The following C11orf58 variants were observed in gnomAD, a reference collection of about 807,000 sequenced individuals.
C11orf58 encodes chromosome 11 open reading frame 58, also known as small acidic protein.
Under a neutral mutation model 22.7 loss-of-function variants are expected in C11orf58, and 5 were observed. That is an observed-to-expected ratio of 0.22 (90% CI 0.12 to 0.46). C11orf58 has a LOEUF of 0.46. Ranked by LOEUF, C11orf58 falls within the 20% of genes least tolerant of loss-of-function variation. The pLI, the probability that C11orf58 is intolerant of heterozygous loss-of-function variation, is 0.99. For missense variants in C11orf58, 151 were observed against 223.3 expected (o/e 0.68, Z 2.06); for synonymous variants, 71 against 70.7 (o/e 1.00, Z -0.02).
intron 4 of C11orf58, chr11:16,753,891 GT>G (rs1185825027): frequency 5.7e-6 from 3 of 524,184 alleles, no homozygotes; most frequent in Non-Finnish European, 1.0e-5. Flanking sequence ...TAGAGACGGA[GT>G]TTTGCTATGT....
intron 4 of C11orf58, among the ~76,000 whole-genome samples, chr11:16,754,527 G>T (rs1004183780): frequency 2.2e-3 from 33 of 15,214 alleles, no homozygotes; most frequent in Admixed American, 6.2e-3. Context: ...TTTTTTTTTA[G>T]TTTCTCTCTC....
At chr11:16,739,217 G>A (rs1425659781) in intron 1 of C11orf58, among the ~76,000 whole-genome samples, 2 of 152,114 alleles carry the variant, frequency 1.3e-5, no homozygotes, top group Non-Finnish European at 2.9e-5. Flanking sequence ...GGTTCTAAAT[G>A]TTCCCGTGAC....
intron 1 of C11orf58, among the ~76,000 whole-genome samples, chr11:16,741,037 AG>A (rs1848443597): frequency 6.6e-6 from 1 of 151,220 alleles, no homozygotes; most frequent in Non-Finnish European, 1.5e-5. Context: ...CGGAGCTTGC[AG>A]TGAGCCAAGA....
chr11:16,749,368 T>C (rs902476569), intron 3 of C11orf58: 3 of 152,372 alleles, frequency 2.0e-5, no homozygotes, highest in Middle Eastern at 3.4e-3. Flanking sequence ...CAAATTGATT[T>C]GTATTGCTAC....
chr11:16,754,481 C>T (rs1164379042), intron 4 of C11orf58, among the ~76,000 whole-genome samples: 1 of 149,446 alleles, frequency 6.7e-6, no homozygotes, highest in Non-Finnish European at 1.5e-5. Flanking sequence ...CAGGCATGCA[C>T]CACCATGCCT....
intron 3 of C11orf58, chr11:16,749,307 C>T (rs1848512913): frequency 1.3e-5 from 2 of 152,196 alleles, no homozygotes; most frequent in Admixed American, 1.3e-4. Context: ...ATATGTAGCA[C>T]ATTTTAGAAA....
At chr11:16,740,767 T>A in intron 1 of C11orf58, among the ~76,000 whole-genome samples, 1 of 143,058 alleles carries the variant, frequency 7.0e-6, no homozygotes, top group African/African-American at 2.6e-5. Context: ...ATGCATTCAT[T>A]AAAATACCTC....
chr11:16,753,877 T>G, intron 4 of C11orf58: 1 of 508,564 alleles, frequency 2.0e-6, no homozygotes, highest in Non-Finnish European at 3.5e-6. Context: ...TTTTGTATTT[T>G]TTGTAGAGAC....
chr11:16,750,740 ACAC>A (rs1204061392), intron 3 of C11orf58: 1 of 154,056 alleles, frequency 6.5e-6, no homozygotes, highest in Non-Finnish European at 1.5e-5. Flanking sequence ...CTTTCAACCA[ACAC>A]CACAGCTGCA....
chr11:16,754,022 C>G, intron 4 of C11orf58: 1 of 426,500 alleles, frequency 2.3e-6, no homozygotes. Context: ...GCGTGAACAA[C>G]AACATGCTCA....
chr11:16,748,424 A>G (rs1848504736), intron 3 of C11orf58: 1 of 218,964 alleles, frequency 4.6e-6, no homozygotes, highest in Non-Finnish European at 9.0e-6. Context: ...GCAAGACCTC[A>G]TCTCTTAAAT....
intron 4 of C11orf58, among the ~76,000 whole-genome samples, 153 bp downstream of exon 4, chr11:16,753,047 C>A (rs1338331200): frequency 2.0e-5 from 3 of 152,116 alleles, no homozygotes; most frequent in African/African-American, 7.2e-5. Flanking sequence ...CCCTACTGGT[C>A]TTGTAGATAA....
rs1403391021 is a variant in C11orf58 at position 16,738,820 on chromosome 11, T to A, written c.42T>A (p.Arg14=). 1 of 1,614,116 alleles carries A rather than the reference T, an allele frequency of 6.2e-7. No individual in the cohort carries two copies. Among genetic ancestry groups the A allele is most frequent in the Admixed American group, 1.7e-5 (1 of 60,022 alleles). Residue 14 remains arginine (R), a synonymous_variant, in exon 1 of 5, where the codon CGT becomes CGA. Transcript: ENST00000228136. ...AGTCTCACCCGCATGGGGTGAAGCG[T>A]TCAGCCTCCCCAGACGACGATGTAA... ...ARESHPHGVK[R]SASPDDDLGS...
In C11orf58 at chr11:16,748,112, C is replaced by G. The variant is rs778301983; in HGVS notation, c.163C>G (p.Arg55Gly). 1 of 1,612,274 alleles carries G rather than the reference C, an allele frequency of 6.2e-7. No individual in the cohort carries two copies. Among genetic ancestry groups the G allele is most frequent in the Non-Finnish European group, 8.5e-7 (1 of 1,178,714 alleles). Reference sequence around the variant, plus strand: ...CTTCTTATAGAAAGAACATACTGGTCGTCTTGTTATAGGAGATCACAAATC... The same window carrying G: ...CTTCTTATAGAAAGAACATACTGGTGGTCTTGTTATAGGAGATCACAAATC... ...MGAGKKEHTG[R>G]LVIGDHKSTS... Residue 55 changes from arginine to glycine, a missense_variant, in exon 3 of 5, where the codon CGT becomes GGT. By Grantham distance (125) the Arg-to-Gly change is moderately radical. This residue lies in a region of C11orf58 where 112 missense variants were observed against 162.6 expected (regional missense o/e 0.69). Coordinates refer to ENST00000228136, the MANE Select transcript of C11orf58 (RefSeq NM_014267.6).
At chr11:16,753,899 A>G (rs1396752126) in intron 4 of C11orf58, 6 of 534,720 alleles carry the variant, frequency 1.1e-5, no homozygotes, top group Non-Finnish European at 2.0e-5. Flanking sequence ...GAGTTTTGCT[A>G]TGTTGCCCAG....
Position 16,757,921 on chromosome 11 carries a change from G to A in C11orf58, c.*2817G>A, listed in dbSNP as rs1196085126. Among the ~76,000 whole-genome samples the A allele has an allele frequency of 2.0e-5, 3 of 152,308 alleles. No homozygotes were observed. In the East Asian group the frequency reaches 5.8e-4, roughly 29 times the overall value. On this transcript the variant is annotated 3_prime_UTR_variant, in exon 5 of 5. Transcript: ENST00000228136. ...GGAGTGCCTGAACCACAGTTTGAGA[G>A]CACAAAGGTCACATTCTTTCAGTAA... is the stretch of plus-strand genomic sequence containing the variant.
rs573626223 is a variant in C11orf58 at position 16,754,547 on chromosome 11, CTTTTTTTTTTTTTTTTTTTT to C, written c.319-305_319-286del. On this transcript the variant is annotated intron_variant, in intron 4 of 4. Coordinates refer to ENST00000228136, the MANE Select transcript of C11orf58 (RefSeq NM_014267.6). ...TTTTAGTTTCTCTCTCTCTCTCTCC[CTTTTTTTTTTTTTTTTTTTT>C]TTTTTTTTTTTTTTTTTTAAGAGAC... Among the ~76,000 whole-genome samples the C allele has an allele frequency of 1.5e-3, 47 of 31,492 alleles. 1 individual carries two copies. In the South Asian group the frequency reaches 0.034, roughly 23 times the overall value. 20.7% of individuals were successfully genotyped at this position (31,492 alleles called of 152,430 possible).
chr11:16,754,449 G>T (rs1848557322), intron 4 of C11orf58, among the ~76,000 whole-genome samples: 1 of 144,020 alleles, frequency 6.9e-6, no homozygotes, highest in Admixed American at 7.0e-5. Context: ...TCCCACCTCA[G>T]CCTCCCGAGT....
chr11:16,749,030 A>C (rs1271006613), intron 3 of C11orf58: 1 of 152,156 alleles, frequency 6.6e-6, no homozygotes, highest in Non-Finnish European at 1.5e-5. Context: ...GTATTCACTA[A>C]ATTTTGTTTT....
Sources: allele counts gnomAD v4.1 joint callset (sites outside exome capture counted in the v4.1 genomes callset), GRCh38; gene constraint gnomAD v4.1.1; regional missense constraint gnomAD v4.1.1; transcripts MANE v1.5; gene names NCBI Gene and HGNC (gene_info 2026-07-23, HGNC 2026-07-21).